Variants in PTPRG observed in about 807,000 individuals in gnomAD.
PTPRG encodes protein tyrosine phosphatase receptor type G, also known as receptor-type tyrosine-protein phosphatase gamma.
PTPRG carries 102 observed loss-of-function variants against 165.3 expected under a neutral mutation model. The ratio of observed to expected loss-of-function variants is 0.62; its 90% CI spans 0.53 to 0.73. PTPRG has a LOEUF of 0.73. Among genes scored for constraint, PTPRG ranks in the 30% least tolerant of loss-of-function variants. PTPRG has a pLI of 0.00. For missense variants in PTPRG, 1,866 were observed against 1,861.4 expected, an observed-to-expected ratio of 1.00 and a Z score of -0.05; for synonymous variants, 675 against 669.5, an observed-to-expected ratio of 1.01 and a Z score of -0.13.
chr3:61,852,757 AG>A (rs2036999524), intron 2 of PTPRG, among the ~76,000 whole-genome samples: 1 of 152,158 alleles, frequency 6.6e-6, no homozygotes, highest in Admixed American at 6.5e-5. Context: ...CTGAGCTTTG[AG>A]GGCCATGTGT....
Position 61,602,352 on chromosome 3 carries a change from C to G in PTPRG, c.85+39980C>G, listed in dbSNP as rs185693769. ...TAATTAAAAGAGAAGTTCAAACATC[C>G]AACCCAGTGTACACAATCCAGAGGG... On this transcript the variant is annotated intron_variant, in intron 1 of 29. Coordinates refer to ENST00000474889, the MANE Select transcript of PTPRG (RefSeq NM_002841.4). Among the ~76,000 whole-genome samples, 7 of 152,108 alleles carry G rather than the reference C, an allele frequency of 4.6e-5. No individual in the cohort carries two copies. In the East Asian group the frequency reaches 7.7e-4, roughly 17 times the overall value.
At chr3:62,054,871 G>A (rs969973529) in intron 4 of PTPRG, among the ~76,000 whole-genome samples, 7 of 152,196 alleles carry the variant, frequency 4.6e-5, no homozygotes, top group African/African-American at 1.7e-4. Flanking sequence ...GTTCATGGAC[G>A]AGGTATAAAG....
In PTPRG at chr3:62,195,389, A is replaced by G. The variant is rs1699935885; in HGVS notation, c.1327+219A>G. ...GGGGAGAAAAAACAAAACATTTTTGATTGTTTTATTGTTATTTTCCAACTG... is the reference window on the plus strand; with the variant it reads ...GGGGAGAAAAAACAAAACATTTTTGGTTGTTTTATTGTTATTTTCCAACTG... On this transcript the variant is annotated intron_variant, in intron 10 of 29. Coordinates refer to ENST00000474889, the MANE Select transcript of PTPRG (RefSeq NM_002841.4). The surrounding 1 kb of genome is among the most constrained non-coding windows in gnomAD (Gnocchi z 4.4). 6.6e-6 allele frequency among the ~76,000 whole-genome samples: 1 copy of G among 152,008 alleles called. No individual in the cohort carries two copies. The highest frequency in any genetic ancestry group is 2.4e-5 in the African/African-American group (1 of 41,410).
chr3:61,978,813 A>G (rs7651655), intron 2 of PTPRG, among the ~76,000 whole-genome samples: 69,362 of 152,028 alleles, frequency 0.46, 16,501 homozygotes, highest in African/African-American at 0.61. Context: ...ACCAAGTTCC[A>G]ATAAAACTGT....
At chr3:61,774,353 C>T (rs973850711) in intron 2 of PTPRG, among the ~76,000 whole-genome samples, 4 of 152,148 alleles carry the variant, frequency 2.6e-5, no homozygotes, top group East Asian at 1.9e-4. Flanking sequence ...TTTTTGCAGA[C>T]GATTGCATGA....
intron 2 of PTPRG, among the ~76,000 whole-genome samples, chr3:61,815,580 C>A (rs1340663598): frequency 6.6e-6 from 1 of 152,120 alleles, no homozygotes; most frequent in African/African-American, 2.4e-5. Context: ...TATATATTGA[C>A]AAGATTGTAG....
chr3:61,856,105 T>C (rs2037099207), intron 2 of PTPRG, among the ~76,000 whole-genome samples: 1 of 152,144 alleles, frequency 6.6e-6, no homozygotes, highest in African/African-American at 2.4e-5. Context: ...CAGTCTCTTG[T>C]ACTTACGTAG....
At chr3:61,781,814 G>C (rs1454492190) in intron 2 of PTPRG, among the ~76,000 whole-genome samples, 1 of 151,344 alleles carries the variant, frequency 6.6e-6, no homozygotes, top group Non-Finnish European at 1.5e-5. Context: ...TGTAGCCTCA[G>C]CCTCCCAGGC....
chr3:61,643,673 G>T (rs1702123845), intron 1 of PTPRG, among the ~76,000 whole-genome samples: 1 of 151,916 alleles, frequency 6.6e-6, no homozygotes, highest in Non-Finnish European at 1.5e-5. Context: ...CCAGACAGGA[G>T]AATTGCTCTA....
chr3:62,250,828 T>G (rs948136660), intron 15 of PTPRG, among the ~76,000 whole-genome samples: 1 of 152,170 alleles, frequency 6.6e-6, no homozygotes, highest in Admixed American at 6.5e-5. Flanking sequence ...AAACCTAATT[T>G]CAAGCTTCAT....
At chr3:61,970,467 A>T (rs2040358474) in intron 2 of PTPRG, among the ~76,000 whole-genome samples, 1 of 152,256 alleles carries the variant, frequency 6.6e-6, no homozygotes, top group African/African-American at 2.4e-5. Context: ...CTAATTTAAT[A>T]GCTTCATCTG....
chr3:61,982,927 G>A (rs1238772303), intron 2 of PTPRG, among the ~76,000 whole-genome samples: 1 of 152,152 alleles, frequency 6.6e-6, no homozygotes, highest in Non-Finnish European at 1.5e-5. Flanking sequence ...ATGGTTAGTT[G>A]TTGATAGTTT....
chr3:61,960,908 A>T (rs1276838831), intron 2 of PTPRG, among the ~76,000 whole-genome samples: 1 of 152,156 alleles, frequency 6.6e-6, no homozygotes, highest in Non-Finnish European at 1.5e-5. Context: ...CTGGGCTCAA[A>T]TCCTAGACCC....
chr3:61,852,108 T>G (rs1216541092), intron 2 of PTPRG, among the ~76,000 whole-genome samples: 1 of 152,212 alleles, frequency 6.6e-6, no homozygotes, highest in Non-Finnish European at 1.5e-5. Context: ...AACTAGATTT[T>G]AGGGAGTTTA....
intron 1 of PTPRG, among the ~76,000 whole-genome samples, chr3:61,697,734 C>T (rs775212767): frequency 6.6e-6 from 1 of 152,136 alleles, no homozygotes; most frequent in African/African-American, 2.4e-5. Flanking sequence ...ATTTATTGCT[C>T]CTTCAAAATT....
Position 62,017,973 on chromosome 3 carries a change from C to T in PTPRG, c.519+14476C>T, listed in dbSNP as rs1328809443. Among the ~76,000 whole-genome samples the T allele has an allele frequency of 8.5e-5, 13 of 152,206 alleles. 1 individual carries two copies. The stretch of plus-strand genomic sequence containing the variant: ...CATGAGAATTGTATGCTGCATTTCT[C>T]TGCAGGTTTGTTCGCTAGAAGCCTC... On this transcript the variant is annotated intron_variant, in intron 4 of 29. Transcript: ENST00000474889.
At chr3:62,156,514 C>T (rs1704542749) in intron 6 of PTPRG, among the ~76,000 whole-genome samples, 2 of 152,192 alleles carry the variant, frequency 1.3e-5, no homozygotes, top group Admixed American at 6.5e-5. Flanking sequence ...GGCTTCACTT[C>T]GATTTGGAGA....
intron 2 of PTPRG, among the ~76,000 whole-genome samples, chr3:61,952,419 A>T (rs1226946373): frequency 6.6e-6 from 1 of 152,154 alleles, no homozygotes; most frequent in African/African-American, 2.4e-5. Context: ...TAAATTCATT[A>T]ACTGTTGGAA....
chr3:62,281,538 C>CTTTTGTTTTTTTTTTTTTTT lies in PTPRG; in HGVS notation c.3766-21_3766-20insGTTTTTTTTTTTTTTTTTTT. ...CAAATCCTTGACAGAACTGCAGAGGCTTTTTTTTTTTTTGGATTCCAAAGG... is the reference window on the plus strand; with the variant it reads ...CAAATCCTTGACAGAACTGCAGAGGCTTTTGTTTTTTTTTTTTTTTTTTTTTTTTTTTTGGATTCCAAAGG... On this transcript the variant is annotated intron_variant, in intron 26 of 29. Coordinates refer to ENST00000474889, the MANE Select transcript of PTPRG (RefSeq NM_002841.4). 6.4e-6 allele frequency: 4 copies of CTTTTGTTTTTTTTTTTTTTT among 620,526 alleles called. 1 individual carries two copies. Among genetic ancestry groups the CTTTTGTTTTTTTTTTTTTTT allele is most frequent in the Non-Finnish European group, 8.4e-6 (4 of 478,294 alleles). The allele number at this position is 620,526 out of a possible 1,614,324, so 38.4% of individuals were successfully genotyped here.
Sources: allele counts gnomAD v4.1 joint callset (sites outside exome capture counted in the v4.1 genomes callset), GRCh38; gene constraint gnomAD v4.1.1; non-coding constraint Gnocchi (gnomAD v3.1); transcripts MANE v1.5; gene names NCBI Gene and HGNC (gene_info 2026-07-23, HGNC 2026-07-21).